GCGR: variants seen among roughly 807,000 people sequenced by gnomAD.
GCGR encodes glucagon receptor.
In GCGR, 41 loss-of-function variants were observed where a neutral mutation model predicts 56.1. That is an observed-to-expected ratio of 0.73 (90% CI 0.57 to 0.95). The LOEUF is 0.95. GCGR is among the 40% of genes least tolerant of loss of function. The pLI is 0.00. For missense variants in GCGR, 595 were observed against 638.2 expected (o/e 0.93, Z 0.73); for synonymous variants, 278 against 271.1 (o/e 1.03, Z -0.25).
rs970192362 is a variant in GCGR, at chr17:81,812,027, G to A, written c.878+81G>A. ...CTCTGGCCTGAGGCAGGGAGGGGCC[G>A]GGGATGAGCCTGGTGCCTGGGGAGG... On this transcript the variant is annotated intron_variant, in intron 9 of 13. Transcript: ENST00000400723. The surrounding 1 kb of genome is among the most constrained non-coding windows in gnomAD (Gnocchi z 8.5). The A allele has an allele frequency of 2.4e-5, 36 of 1,520,052 alleles. No individual in the cohort carries two copies. Among genetic ancestry groups the A allele is most frequent in the East Asian group, 4.9e-5 (2 of 40,790 alleles). 94.2% of individuals were successfully genotyped at this position (1,520,052 alleles called of 1,614,324 possible).
chr17:81,807,407 G>T (rs1031684128), intron 1 of GCGR, among the ~76,000 whole-genome samples: 1 of 152,210 alleles, frequency 6.6e-6, no homozygotes, highest in Non-Finnish European at 1.5e-5. Context: ...ACTGCTTGGG[G>T]CATCTCAGGC....
chr17:81,810,372 C>T lies in GCGR; in HGVS notation c.164-453C>T. On this transcript the variant is annotated intron_variant, in intron 3 of 13. Coordinates refer to ENST00000400723, the MANE Select transcript of GCGR (RefSeq NM_000160.5). This position sits in a 1 kb window ranked among gnomAD's most constrained non-coding sequence, Gnocchi z 4.6. ...GCAGCCACCACTGGGCAGAGGGGGG[C>T]AGGTGTGGCAGCCTCCATTGGGCAG... The T allele has an allele frequency of 3.1e-6, 1 of 326,018 alleles. No homozygotes were observed. The allele number at this position is 326,018 out of a possible 1,614,324, so 20.2% of individuals were successfully genotyped here.
chr17:81,809,726 TCTGTCTGCCTGC>T (rs745907164), intron 2 of GCGR, 44 bp from the exon 3 acceptor site: 21 of 1,300,460 alleles, frequency 1.6e-5, no homozygotes, highest in Middle Eastern at 1.8e-4. Flanking sequence ...TGTCTGCCTG[TCTGTCTGCCTGC>T]CTGTCTGTCT....
At position 81,809,072 on chromosome 17, in the gene GCGR, C is replaced by T; in HGVS notation, c.54C>T (p.Ala18=). Residue 18 remains alanine (A), a synonymous_variant, in exon 2 of 14, where the codon GCC becomes GCT. Transcript: ENST00000400723. ...RPLLLLLLLL[A]CQPQVPSAQV... ...TGCTGCTGTTGCTGCTGCTGCTGGC[C>T]TGCCAGGTGAGGACTCACAGCACCC... 6.5e-7 allele frequency: 1 copy of T among 1,536,050 alleles called. No individual in the cohort carries two copies. Among genetic ancestry groups the T allele is most frequent in the Non-Finnish European group, 8.7e-7 (1 of 1,146,818 alleles).
In GCGR at chr17:81,813,439, G is replaced by A. The variant is rs1317256130; in HGVS notation, c.1219-35G>A. ...CCGGTGGGGTGGAGAGGACAGGCAG[G>A]CCCTAGGACTGGCCTGCCCCGTCCC... On this transcript the variant is annotated intron_variant, in intron 13 of 13. Coordinates refer to ENST00000400723, the MANE Select transcript of GCGR (RefSeq NM_000160.5). This position sits in a 1 kb window ranked among gnomAD's most constrained non-coding sequence, Gnocchi z 5.3. 1.1e-5 allele frequency: 17 copies of A among 1,523,978 alleles called. No homozygotes were observed. In the East Asian group the frequency reaches 3.7e-4, roughly 33 times the overall value. 94.4% of individuals were successfully genotyped at this position (1,523,978 alleles called of 1,614,324 possible). A position where few individuals can be genotyped will look rare whatever the true frequency, so the allele number is the denominator to read the frequency against.
At position 81,806,467 on chromosome 17, in the gene GCGR, C is replaced by T. The variant is rs971700792; in HGVS notation, c.-178+2218C>T. On this transcript the variant is annotated intron_variant, in intron 1 of 13. Coordinates refer to ENST00000400723, the MANE Select transcript of GCGR (RefSeq NM_000160.5). The surrounding 1 kb of genome is among the most constrained non-coding windows in gnomAD (Gnocchi z 6.5). ...GTTGAGGCTGAGGGGACACAGAGCC[C>T]CACTCCTGGGTCCTGACTGTTTCAA... Among the ~76,000 whole-genome samples, 1 of 152,148 alleles carries T rather than the reference C, an allele frequency of 6.6e-6. No individual in the cohort carries two copies. The highest frequency in any genetic ancestry group is 6.5e-5 in the Admixed American group (1 of 15,280).
intron 1 of GCGR, among the ~76,000 whole-genome samples, chr17:81,807,171 C>G (rs2037981906): frequency 1.3e-5 from 2 of 152,204 alleles, no homozygotes; most frequent in Admixed American, 6.5e-5. Context: ...CCTCCTCCCC[C>G]ACCCGCCTGC....
At chr17:81,809,717 G>A in intron 2 of GCGR, 65 bp from the exon 3 acceptor site, 1 of 1,290,122 alleles carries the variant, frequency 7.8e-7, no homozygotes, top group Admixed American at 2.0e-5. Context: ...CTGCCTGTCT[G>A]TCTGCCTGTC....
rs140065949 is a variant in GCGR at position 81,811,958 on chromosome 17, C to A, written c.878+12C>A. 2 of 1,536,310 alleles carry A rather than the reference C, an allele frequency of 1.3e-6. No homozygotes were observed. The highest frequency in any genetic ancestry group is 2.4e-5 in the South Asian group (2 of 84,028). On this transcript the variant is annotated intron_variant, in intron 9 of 13. Transcript: ENST00000400723. The surrounding 1 kb of genome is among the most constrained non-coding windows in gnomAD (Gnocchi z 5.8). ...TTCGAGAACGTCCAGTGAGTATGAG[C>A]GGCTGGACAGCCTGGGGAGGGACCG...
At chr17:81,807,122 C>T (rs1279391813) in intron 1 of GCGR, among the ~76,000 whole-genome samples, 1 of 152,106 alleles carries the variant, frequency 6.6e-6, no homozygotes. Context: ...AAGATAAGGC[C>T]CCTTGCGTGA....
chr17:81,809,288 C>CAGT (rs2038029011), intron 2 of GCGR, among the ~76,000 whole-genome samples: 2 of 148,366 alleles, frequency 1.3e-5, no homozygotes, highest in African/African-American at 2.5e-5. Context: ...GTCTGCCTGT[C>CAGT]CGTCTGCCTG....
chr17:81,805,858 G>C (rs959826174), intron 1 of GCGR, among the ~76,000 whole-genome samples: 3 of 152,166 alleles, frequency 2.0e-5, no homozygotes, highest in African/African-American at 7.2e-5. Context: ...TGTGGCCCCG[G>C]GGAGCCCCGA....
chr17:81,806,133 G>A lies in GCGR; in HGVS notation c.-178+1884G>A, dbSNP rs2037958750. On this transcript the variant is annotated intron_variant, in intron 1 of 13. Coordinates refer to ENST00000400723, the MANE Select transcript of GCGR (RefSeq NM_000160.5). The surrounding 1 kb of genome is among the most constrained non-coding windows in gnomAD (Gnocchi z 6.5). Reference sequence around the variant, plus strand: ...CTCTCCAGGCCAGGCTCTCTCATGGGTGCTCAGCTGGAAATTGGTCCCCCC... The same window carrying A: ...CTCTCCAGGCCAGGCTCTCTCATGGATGCTCAGCTGGAAATTGGTCCCCCC... 6.6e-6 allele frequency among the ~76,000 whole-genome samples: 1 copy of A among 152,080 alleles called. No homozygotes were observed. Among genetic ancestry groups the A allele is most frequent in the Non-Finnish European group, 1.5e-5 (1 of 68,008 alleles).
rs1483522097 is a variant in GCGR at position 81,813,904 on chromosome 17, G to A, written c.*215G>A. 14 of 590,686 alleles carry A rather than the reference G, an allele frequency of 2.4e-5. No individual in the cohort carries two copies. In the Admixed American group the frequency reaches 2.7e-4, roughly 11 times the overall value. 36.6% of individuals were successfully genotyped at this position (590,686 alleles called of 1,614,324 possible). ...AGAGGTGAGCAGAGGAGTCCAGGGC[G>A]GGAGTGGGGGCTGTGCCGTGAACTG... On this transcript the variant is annotated 3_prime_UTR_variant, in exon 14 of 14. Coordinates refer to ENST00000400723, the MANE Select transcript of GCGR (RefSeq NM_000160.5). The surrounding 1 kb of genome is among the most constrained non-coding windows in gnomAD (Gnocchi z 5.3).
rs912124140 is a variant in GCGR, at chr17:81,810,377, G to A, written c.164-448G>A. 1.2e-5 allele frequency: 4 copies of A among 330,644 alleles called. No individual in the cohort carries two copies. The highest frequency in any genetic ancestry group is 8.7e-5 in the Admixed American group (2 of 23,100). 20.5% of individuals were successfully genotyped at this position (330,644 alleles called of 1,614,324 possible). A position where few individuals can be genotyped will look rare whatever the true frequency, so the allele number is the denominator to read the frequency against. On this transcript the variant is annotated intron_variant, in intron 3 of 13. Transcript: ENST00000400723. This position sits in a 1 kb window ranked among gnomAD's most constrained non-coding sequence, Gnocchi z 4.6. ...CACCACTGGGCAGAGGGGGGCAGGT[G>A]TGGCAGCCTCCATTGGGCAGAGGGA...
At position 81,806,381 on chromosome 17, in the gene GCGR, G is replaced by A. The variant is rs573593129; in HGVS notation, c.-178+2132G>A. On this transcript the variant is annotated intron_variant, in intron 1 of 13. Transcript: ENST00000400723. The surrounding 1 kb of genome is among the most constrained non-coding windows in gnomAD (Gnocchi z 6.5). ...CCTATGGGGAGCCCACCTGTGGCCT[G>A]TGGATGCTGAGCTGTCGGGGGAATC... Among the ~76,000 whole-genome samples, 2 of 152,312 alleles carry A rather than the reference G, an allele frequency of 1.3e-5. No homozygotes were observed. The highest frequency in any genetic ancestry group is 2.9e-5 in the Non-Finnish European group (2 of 68,012).
rs550719887 is a variant in GCGR, at chr17:81,806,323, C to T, written c.-178+2074C>T. Among the ~76,000 whole-genome samples, 9 of 152,310 alleles carry T rather than the reference C, an allele frequency of 5.9e-5. No homozygotes were observed. The highest frequency in any genetic ancestry group is 2.2e-4 in the African/African-American group (9 of 41,578). On this transcript the variant is annotated intron_variant, in intron 1 of 13. Coordinates refer to ENST00000400723, the MANE Select transcript of GCGR (RefSeq NM_000160.5). The surrounding 1 kb of genome is among the most constrained non-coding windows in gnomAD (Gnocchi z 6.5). ...CCACCTCACCTCTTGTATTCAGAGG[C>T]CCTGACCCCTAGGGATCCGGGACTA...
At position 81,813,415 on chromosome 17, in the gene GCGR, C is replaced by T. The variant is rs953614897; in HGVS notation, c.1219-59C>T. 67 of 1,471,738 alleles carry T rather than the reference C, an allele frequency of 4.6e-5. No individual in the cohort carries two copies. The highest frequency in any genetic ancestry group is 9.8e-5 in the African/African-American group (7 of 71,588). The allele number at this position is 1,471,738 out of a possible 1,614,324, so 91.2% of individuals were successfully genotyped here. A position where few individuals can be genotyped will look rare whatever the true frequency, so the allele number is the denominator to read the frequency against. ...CTCCGATGAGGCCCACAGCAGGTCC[C>T]GGTGGGGTGGAGAGGACAGGCAGGC... is the stretch of plus-strand genomic sequence containing the variant. On this transcript the variant is annotated intron_variant, in intron 13 of 13. Coordinates refer to ENST00000400723, the MANE Select transcript of GCGR (RefSeq NM_000160.5). The surrounding 1 kb of genome is among the most constrained non-coding windows in gnomAD (Gnocchi z 5.3).
In GCGR at chr17:81,813,099, G is replaced by A. The variant is rs759468089; in HGVS notation, c.1218+42G>A. On this transcript the variant is annotated intron_variant, in intron 13 of 13. Coordinates refer to ENST00000400723, the MANE Select transcript of GCGR (RefSeq NM_000160.5). This position sits in a 1 kb window ranked among gnomAD's most constrained non-coding sequence, Gnocchi z 5.3. ...GCATCTGAGACCATCAGCACTGGCC[G>A]TCGGGGTCAGGGGCAGAGAGAGGCA... 7.8e-6 allele frequency: 12 copies of A among 1,534,658 alleles called. No homozygotes were observed. Among genetic ancestry groups the A allele is most frequent in the African/African-American group, 2.7e-5 (2 of 72,980 alleles).
Sources: gnomAD v4.1 joint callset for allele counts (sites outside exome capture counted in the v4.1 genomes callset) on GRCh38, gnomAD v4.1.1 for gene constraint, Gnocchi (gnomAD v3.1) non-coding constraint, MANE v1.5 for transcripts, NCBI Gene and HGNC (gene_info 2026-07-23, HGNC 2026-07-21) for gene names.